Variants in NELL1 observed in about 807,000 individuals in gnomAD.
NELL1 encodes the protein protein kinase C-binding protein NELL1.
A neutral mutation model predicts 107.4 loss-of-function variants in NELL1; 76 were observed. The observed-to-expected ratio is 0.71, with a 90% CI of 0.59 to 0.86. The LOEUF (loss-of-function observed/expected upper bound fraction) is 0.86. Ranked by LOEUF, NELL1 falls within the 40% of genes least tolerant of loss-of-function variation. NELL1 has a pLI of 0.00. For synonymous variants in NELL1, 353 were observed against 341.2 expected (o/e 1.03, Z -0.38); for missense variants, 1,024 against 1,005.5 (o/e 1.02, Z -0.25).
chr11:20,988,863 TA>T (rs1851910942), intron 12 of NELL1, among the ~76,000 whole-genome samples: 1 of 152,010 alleles, frequency 6.6e-6, no homozygotes, highest in African/African-American at 2.4e-5. Flanking sequence ...GCTGAGATTA[TA>T]GGTATGAGCC....
At chr11:20,742,338 G>A (rs1226930858) in intron 2 of NELL1, among the ~76,000 whole-genome samples, 1 of 152,146 alleles carries the variant, frequency 6.6e-6, no homozygotes, top group Non-Finnish European at 1.5e-5. Flanking sequence ...AGAGGAAAAT[G>A]ACTGAAATCT....
intron 15 of NELL1, among the ~76,000 whole-genome samples, chr11:21,424,633 A>C (rs1160159409): frequency 6.6e-6 from 1 of 152,134 alleles, no homozygotes; most frequent in Non-Finnish European, 1.5e-5. Flanking sequence ...AAACAAACAA[A>C]CAAAAAACAG....
intron 12 of NELL1, among the ~76,000 whole-genome samples, chr11:21,081,445 C>A (rs1854266753): frequency 6.6e-6 from 1 of 152,116 alleles, no homozygotes; most frequent in African/African-American, 2.4e-5. Flanking sequence ...CATATCTTTT[C>A]TTTGAGGTCT....
intron 13 of NELL1, among the ~76,000 whole-genome samples, chr11:21,208,236 C>T (rs1342944763): frequency 6.6e-6 from 1 of 151,858 alleles, no homozygotes; most frequent in East Asian, 1.9e-4. Flanking sequence ...ACAATAAAAA[C>T]CGTCTATTCT....
intron 13 of NELL1, among the ~76,000 whole-genome samples, chr11:21,116,571 C>T (rs998748255): frequency 1.3e-4 from 19 of 151,868 alleles, no homozygotes; most frequent in Admixed American, 1.2e-3. Flanking sequence ...CTTCTACAAA[C>T]CTCCTTCTCT....
At chr11:21,324,892 T>G (rs1042623918) in intron 14 of NELL1, among the ~76,000 whole-genome samples, 4 of 152,058 alleles carry the variant, frequency 2.6e-5, no homozygotes, top group African/African-American at 9.7e-5. Flanking sequence ...TCTCCTTGTT[T>G]AAAAAGAGAG....
chr11:21,058,290 T>C (rs916835026), intron 12 of NELL1, among the ~76,000 whole-genome samples: 47 of 152,174 alleles, frequency 3.1e-4, no homozygotes, highest in African/African-American at 1.1e-3. Context: ...AAATGTATTG[T>C]CTTTATATCC....
chr11:21,422,165 AAGAG>A lies in NELL1; in HGVS notation c.1645+51221_1645+51224del, dbSNP rs762323743. ...TGTACACGTGCAAGAGAGAGAGAAGAAGAGAGACAAAGAGAGTTCAGTACCACTA... is the reference window on the plus strand; with the variant it reads ...TGTACACGTGCAAGAGAGAGAGAAGAAGACAAAGAGAGTTCAGTACCACTA... On this transcript the variant is annotated intron_variant, in intron 15 of 19. Coordinates refer to ENST00000357134, the MANE Select transcript of NELL1 (RefSeq NM_006157.5). Among the ~76,000 whole-genome samples the A allele has an allele frequency of 5.6e-4, 85 of 152,016 alleles. No homozygotes were observed. In the East Asian group the frequency reaches 0.014, roughly 25 times the overall value.
At chr11:21,111,919 A>G (rs1331090402) in intron 12 of NELL1, among the ~76,000 whole-genome samples, 1 of 152,062 alleles carries the variant, frequency 6.6e-6, no homozygotes, top group Non-Finnish European at 1.5e-5. Context: ...CCAACCTTTC[A>G]TCGTCCTACC....
intron 15 of NELL1, among the ~76,000 whole-genome samples, chr11:21,439,572 T>A (rs193136069): frequency 2.0e-4 from 31 of 152,234 alleles, no homozygotes; most frequent in African/African-American, 7.5e-4. Context: ...TTAAATGGAT[T>A]AAAGCATACA....
chr11:21,545,905 T>A (rs538308990), intron 16 of NELL1, among the ~76,000 whole-genome samples: 19 of 151,954 alleles, frequency 1.3e-4, no homozygotes. Context: ...AATCAGCAGC[T>A]CTGTGGGTAA....
chr11:21,272,605 C>T (rs562910798), intron 14 of NELL1, among the ~76,000 whole-genome samples: 1 of 152,340 alleles, frequency 6.6e-6, no homozygotes, highest in Non-Finnish European at 1.5e-5. Flanking sequence ...AGACTGCCTC[C>T]TCAAGTGGGT....
chr11:20,793,935 T>C (rs1468327083), intron 3 of NELL1, among the ~76,000 whole-genome samples: 1 of 152,208 alleles, frequency 6.6e-6, no homozygotes, highest in Non-Finnish European at 1.5e-5. Flanking sequence ...TGAAAATGTA[T>C]AGATAAATAC....
chr11:20,902,264 C>A (rs1350167316), intron 5 of NELL1, among the ~76,000 whole-genome samples: 1 of 149,456 alleles, frequency 6.7e-6, no homozygotes, highest in Non-Finnish European at 1.5e-5. Context: ...TGCTGCAAAT[C>A]AATAAGAAAC....
chr11:21,110,096 A>G (rs1319082709), intron 12 of NELL1, among the ~76,000 whole-genome samples: 1 of 152,116 alleles, frequency 6.6e-6, no homozygotes, highest in African/African-American at 2.4e-5. Context: ...GATAGCTTTT[A>G]TATCTGGTGG....
intron 4 of NELL1, among the ~76,000 whole-genome samples, chr11:20,854,271 G>A (rs2134065394): frequency 6.6e-6 from 1 of 152,232 alleles, no homozygotes; most frequent in South Asian, 2.1e-4. Context: ...TACTGTCTCT[G>A]GGCTTTAGCT....
At position 20,991,992 on chromosome 11, in the gene NELL1, A is replaced by T. The variant is rs1447575728; in HGVS notation, c.1300+31432A>T. Reference sequence around the variant, plus strand: ...TTCTTTCAAAGCCAGTGTAGCATGCAAAAAAAAAAAAAAAAAAAAGTTGAA... The same window carrying T: ...TTCTTTCAAAGCCAGTGTAGCATGCTAAAAAAAAAAAAAAAAAAAGTTGAA... On this transcript the variant is annotated intron_variant, in intron 12 of 19. Transcript: ENST00000357134. 2.1e-3 allele frequency among the ~76,000 whole-genome samples: 28 copies of T among 13,634 alleles called. 1 individual carries two copies. Among genetic ancestry groups the T allele is most frequent in the African/African-American group, 2.7e-3 (13 of 4,756 alleles). The allele number at this position is 13,634 out of a possible 152,430, so 8.9% of individuals were successfully genotyped here. A position where few individuals can be genotyped will look rare whatever the true frequency, so the allele number is the denominator to read the frequency against.
intron 14 of NELL1, among the ~76,000 whole-genome samples, chr11:21,242,414 T>C (rs1337028098): frequency 6.6e-6 from 1 of 152,082 alleles, no homozygotes; most frequent in Non-Finnish European, 1.5e-5. Flanking sequence ...TGTCTTGCAT[T>C]GAATTGGCCA....
At chr11:20,997,393 C>T (rs1852114453) in intron 12 of NELL1, among the ~76,000 whole-genome samples, 1 of 152,156 alleles carries the variant, frequency 6.6e-6, no homozygotes, top group Non-Finnish European at 1.5e-5. Flanking sequence ...CAGATTCTAT[C>T]ACCCCAAGTC....
Sources: gnomAD v4.1 joint callset for allele counts (sites outside exome capture counted in the v4.1 genomes callset) on GRCh38, gnomAD v4.1.1 for gene constraint, MANE v1.5 for transcripts, NCBI Gene and HGNC (gene_info 2026-07-23, HGNC 2026-07-21) for gene names.